Variants in UBE2E2 observed in about 807,000 individuals in gnomAD.
The protein encoded by UBE2E2 is ubiquitin conjugating enzyme E2 E2.
A neutral mutation model predicts 24.7 loss-of-function variants in UBE2E2; 6 were observed. The observed-to-expected ratio is 0.24, with a 90% CI of 0.13 to 0.48. The LOEUF is 0.48. UBE2E2 is among the 20% of genes least tolerant of loss of function. The probability of loss-of-function intolerance (pLI) is 0.99; values close to 1 mark genes in which losing one functional copy is unlikely to be tolerated. For missense variants in UBE2E2, 169 were observed against 245.0 expected (o/e 0.69, Z 2.07); for synonymous variants, 104 against 83.6 (o/e 1.24, Z -1.33).
chr3:23,223,977 A>G (rs1696740262), intron 3 of UBE2E2, among the ~76,000 whole-genome samples: 2 of 151,944 alleles, frequency 1.3e-5, no homozygotes, highest in South Asian at 4.1e-4. Context: ...TTTATACCTG[A>G]GTTCTCTCAT....
At chr3:23,495,287 A>T (rs1204375874) in intron 3 of UBE2E2, among the ~76,000 whole-genome samples, 1 of 152,154 alleles carries the variant, frequency 6.6e-6, no homozygotes, top group African/African-American at 2.4e-5. Context: ...ATGGGCAAAA[A>T]TTGAGTTTAT....
chr3:23,331,809 A>G (rs1179966061), intron 3 of UBE2E2, among the ~76,000 whole-genome samples: 1 of 152,200 alleles, frequency 6.6e-6, no homozygotes, highest in Non-Finnish European at 1.5e-5. Context: ...ATGAGAAATC[A>G]CTAAGGGTTT....
At chr3:23,582,233 A>G (rs1696497695) in intron 5 of UBE2E2, among the ~76,000 whole-genome samples, 2 of 152,176 alleles carry the variant, frequency 1.3e-5, no homozygotes, top group Non-Finnish European at 2.9e-5. Context: ...ACATGATCTC[A>G]TTCTTTTTTA....
chr3:23,417,936 T>C (rs1697682763), intron 3 of UBE2E2, among the ~76,000 whole-genome samples: 1 of 152,140 alleles, frequency 6.6e-6, no homozygotes. Context: ...CCAGGTCGAC[T>C]TCAGACTGCT....
chr3:23,273,547 G>C (rs188659174), intron 3 of UBE2E2, among the ~76,000 whole-genome samples: 1 of 144,874 alleles, frequency 6.9e-6, no homozygotes, highest in Non-Finnish European at 1.5e-5. Flanking sequence ...AAAAAAAAGA[G>C]AGAGAAATGA....
At chr3:23,487,290 G>T (rs1246569777) in intron 3 of UBE2E2, among the ~76,000 whole-genome samples, 5 of 152,222 alleles carry the variant, frequency 3.3e-5, no homozygotes, top group Non-Finnish European at 7.4e-5. Context: ...TTCCAAGCCT[G>T]CAGGGGCAGG....
intron 3 of UBE2E2, among the ~76,000 whole-genome samples, chr3:23,357,930 G>A (rs748106424): frequency 5.3e-5 from 8 of 152,164 alleles, no homozygotes; most frequent in Non-Finnish European, 7.4e-5. Flanking sequence ...CCTCGACCTC[G>A]TCAAGCGTGA....
chr3:23,584,726 GTT>G lies in UBE2E2; in HGVS notation c.509-4984_509-4983del, dbSNP rs1158915900. 5.0e-3 allele frequency among the ~76,000 whole-genome samples: 571 copies of G among 113,452 alleles called. 2 individuals are homozygous for G. Among genetic ancestry groups the G allele is most frequent in the African/African-American group, 0.014 (373 of 27,324 alleles). The allele number at this position is 113,452 out of a possible 152,430, so 74.4% of individuals were successfully genotyped here. A position where few individuals can be genotyped will look rare whatever the true frequency, so the allele number is the denominator to read the frequency against. ...ATGCCACCACACCCAGCTGTTTTTT[GTT>G]TTTTTTTTTTTTTTTTTTTTTTTGT... On this transcript the variant is annotated intron_variant, in intron 5 of 5. Transcript: ENST00000396703.
chr3:23,219,480 C>T (rs1315659888), intron 3 of UBE2E2, among the ~76,000 whole-genome samples: 1 of 152,120 alleles, frequency 6.6e-6, no homozygotes, highest in Non-Finnish European at 1.5e-5. Context: ...GATTAGATTG[C>T]AGTGTTAGTT....
At chr3:23,281,522 A>T (rs141621973) in intron 3 of UBE2E2, among the ~76,000 whole-genome samples, 2,680 of 152,268 alleles carry the variant, frequency 0.018, 46 homozygotes, top group Non-Finnish European at 0.026. Flanking sequence ...CTGTAGTCCC[A>T]ACTATTCTGA....
rs1475485740 is a variant in UBE2E2, at chr3:23,591,743, T to C, written c.*1912T>C. 1 of 152,236 alleles carries C rather than the reference T, an allele frequency of 6.6e-6. No individual in the cohort carries two copies. Among genetic ancestry groups the C allele is most frequent in the East Asian group, 1.9e-4 (1 of 5,202 alleles). The allele number at this position is 152,236 out of a possible 1,614,324, so 9.4% of individuals were successfully genotyped here. On this transcript the variant is annotated 3_prime_UTR_variant, in exon 6 of 6. Transcript: ENST00000396703. Reference sequence around the variant, plus strand: ...GGGCTGGATGAAAAACAAATAACGATGTGTCATTTCTTTCTTTAACATAAA... The same window carrying C: ...GGGCTGGATGAAAAACAAATAACGACGTGTCATTTCTTTCTTTAACATAAA...
chr3:23,264,679 T>G (rs1334889584), intron 3 of UBE2E2, among the ~76,000 whole-genome samples: 2 of 152,168 alleles, frequency 1.3e-5, no homozygotes, highest in Non-Finnish European at 2.9e-5. Flanking sequence ...CCAGATAACT[T>G]AGGAGAATGA....
intron 3 of UBE2E2, among the ~76,000 whole-genome samples, chr3:23,374,220 A>G (rs992177296): frequency 3.3e-5 from 5 of 152,192 alleles, no homozygotes; most frequent in African/African-American, 1.2e-4. Flanking sequence ...AGAACCAATC[A>G]TGGGCCTTCA....
chr3:23,358,156 A>G (rs1696015638), intron 3 of UBE2E2, among the ~76,000 whole-genome samples: 1 of 152,206 alleles, frequency 6.6e-6, no homozygotes, highest in Non-Finnish European at 1.5e-5. Context: ...TAAAAGGAAG[A>G]AAACTGATAG....
chr3:23,463,871 A>G (rs182027640), intron 3 of UBE2E2, among the ~76,000 whole-genome samples: 112 of 152,266 alleles, frequency 7.4e-4, no homozygotes, highest in Non-Finnish European at 1.2e-3. Context: ...CTTCCACTCA[A>G]AGGAATTAGA....
chr3:23,431,134 G>C (rs985363854), intron 3 of UBE2E2, among the ~76,000 whole-genome samples: 1 of 152,128 alleles, frequency 6.6e-6, no homozygotes, highest in African/African-American at 2.4e-5. Context: ...AACTGGAAGT[G>C]GGTGAATAGA....
At chr3:23,356,594 C>T (rs1489717785) in intron 3 of UBE2E2, among the ~76,000 whole-genome samples, 1 of 152,150 alleles carries the variant, frequency 6.6e-6, no homozygotes, top group Non-Finnish European at 1.5e-5. Flanking sequence ...CTCAACTTCT[C>T]ATCTTTCTTT....
chr3:23,268,494 AG>A (rs1197480601), intron 3 of UBE2E2, among the ~76,000 whole-genome samples: 22 of 150,648 alleles, frequency 1.5e-4, no homozygotes, highest in Non-Finnish European at 4.5e-5. Flanking sequence ...CCAACTTACA[AG>A]GGATGTGAAG....
At chr3:23,349,354 C>G (rs1316286260) in intron 3 of UBE2E2, among the ~76,000 whole-genome samples, 1 of 152,210 alleles carries the variant, frequency 6.6e-6, no homozygotes, top group Non-Finnish European at 1.5e-5. Context: ...CTGGGTTCAT[C>G]TCACTAGGGA....
Sources: allele counts gnomAD v4.1 joint callset (sites outside exome capture counted in the v4.1 genomes callset), GRCh38; gene constraint gnomAD v4.1.1; transcripts MANE v1.5; gene names NCBI Gene and HGNC (gene_info 2026-07-23, HGNC 2026-07-21).